WDPCP: variants seen among roughly 807,000 people sequenced by gnomAD.
The protein encoded by WDPCP is WD repeat-containing and planar cell polarity effector protein fritz homolog.
Under a neutral mutation model 93.1 loss-of-function variants are expected in WDPCP, and 71 were observed. The observed-to-expected ratio is 0.76, with a 90% CI of 0.63 to 0.93. WDPCP has a LOEUF of 0.93. WDPCP is among the 40% of genes least tolerant of loss of function. WDPCP has a pLI of 0.00. For synonymous variants in WDPCP, 315 were observed against 315.0 expected (o/e 1.00, Z 0.00); for missense variants, 844 against 887.4 (o/e 0.95, Z 0.62).
At chr2:63,227,391 C>G (rs774348314) in intron 14 of WDPCP, among the ~76,000 whole-genome samples, 2 of 152,000 alleles carry the variant, frequency 1.3e-5, no homozygotes, top group Non-Finnish European at 2.9e-5. Context: ...CTCAAAGCTA[C>G]TTTGCTGCAC....
intron 2 of WDPCP, among the ~76,000 whole-genome samples, chr2:63,703,617 T>C (rs1669099010): frequency 6.6e-6 from 1 of 152,076 alleles, no homozygotes; most frequent in African/African-American, 2.4e-5. Context: ...AGAGTCTCAC[T>C]CTGTTCTGTT....
intron 3 of WDPCP, among the ~76,000 whole-genome samples, chr2:63,627,032 A>G (rs2106634109): frequency 6.6e-6 from 1 of 152,128 alleles, no homozygotes; most frequent in African/African-American, 2.4e-5. Flanking sequence ...CAACAACAAA[A>G]TCCAAGAATT....
chr2:63,437,116 A>G (rs762586569), intron 8 of WDPCP, among the ~76,000 whole-genome samples: 2 of 152,058 alleles, frequency 1.3e-5, no homozygotes, highest in Non-Finnish European at 2.9e-5. Context: ...AATGGTATAT[A>G]TACTACCACT....
intron 6 of WDPCP, among the ~76,000 whole-genome samples, chr2:63,459,149 G>T (rs1477818685): frequency 6.6e-6 from 1 of 152,080 alleles, no homozygotes; most frequent in Non-Finnish European, 1.5e-5. Context: ...TCAGGACATT[G>T]GTTTAGGCAA....
intron 3 of WDPCP, among the ~76,000 whole-genome samples, chr2:63,607,532 C>T (rs1007379495): frequency 6.6e-6 from 1 of 150,506 alleles, no homozygotes; most frequent in Non-Finnish European, 1.5e-5. Context: ...GAAACTCCGT[C>T]TCAAAAAAAA....
intron 2 of WDPCP, among the ~76,000 whole-genome samples, chr2:63,753,569 G>T (rs1669913930): frequency 6.6e-6 from 1 of 152,188 alleles, no homozygotes; most frequent in African/African-American, 2.4e-5. Flanking sequence ...TACAATTATG[G>T]CAGAAGGCAA....
chr2:63,408,334 T>C (rs1232958601), intron 9 of WDPCP, among the ~76,000 whole-genome samples: 1 of 152,160 alleles, frequency 6.6e-6, no homozygotes, highest in Non-Finnish European at 1.5e-5. Flanking sequence ...ACTGAAGGTC[T>C]GTTTGTAGGA....
intron 1 of WDPCP, among the ~76,000 whole-genome samples, chr2:63,819,155 G>A (rs1443190976): frequency 1.3e-5 from 2 of 152,172 alleles, no homozygotes; most frequent in Non-Finnish European, 2.9e-5. Flanking sequence ...GGAGGGCAAA[G>A]CAGCTCTGGG....
intron 17 of WDPCP, among the ~76,000 whole-genome samples, chr2:63,151,484 C>T (rs149285816): frequency 1.8e-3 from 267 of 152,276 alleles, no homozygotes; most frequent in African/African-American, 6.0e-3. Flanking sequence ...CTTAGCTTCG[C>T]AAAGTGCTTG....
chr2:63,130,482 A>G (rs941722367), intron 17 of WDPCP, among the ~76,000 whole-genome samples: 11 of 152,238 alleles, frequency 7.2e-5, no homozygotes, highest in African/African-American at 2.6e-4. Context: ...GTCTGTCTTT[A>G]TGCTAGCACC....
chr2:63,376,036 T>C (rs1225621312), intron 12 of WDPCP, among the ~76,000 whole-genome samples: 1 of 151,994 alleles, frequency 6.6e-6, no homozygotes, highest in East Asian at 1.9e-4. Context: ...AATGTAATTC[T>C]AGCACTTCAC....
chr2:63,706,548 C>T (rs1669155527), intron 2 of WDPCP, among the ~76,000 whole-genome samples: 1 of 145,564 alleles, frequency 6.9e-6, no homozygotes, highest in East Asian at 2.0e-4. Flanking sequence ...TTCTCCTTCA[C>T]TTATGAAGCT....
chr2:63,387,829 G>T (rs576653276), intron 10 of WDPCP, among the ~76,000 whole-genome samples: 4 of 151,846 alleles, frequency 2.6e-5, no homozygotes, highest in African/African-American at 7.3e-5. Context: ...ATACACCAAC[G>T]ACATCCAAGC....
At position 63,814,487 on chromosome 2, in the gene WDPCP, G is replaced by A. The variant is rs552410419; in HGVS notation, n.223-780C>T. On this transcript the variant is annotated intron_variant and non_coding_transcript_variant, in intron 1 of 4. Transcript: ENST00000467687. Reference sequence around the variant, plus strand: ...AGGAAATCACAGAGATACCAATCCAGAGCCCTCACATTAAGCCACTACACC... The same window carrying A: ...AGGAAATCACAGAGATACCAATCCAAAGCCCTCACATTAAGCCACTACACC... Among the ~76,000 whole-genome samples, 7 of 152,270 alleles carry A rather than the reference G, an allele frequency of 4.6e-5. 1 individual carries two copies. The highest frequency in any genetic ancestry group is 3.3e-4 in the Admixed American group (5 of 15,288).
chr2:63,709,715 A>G (rs1341682762), intron 2 of WDPCP, among the ~76,000 whole-genome samples: 2 of 152,178 alleles, frequency 1.3e-5, no homozygotes, highest in East Asian at 1.9e-4. Context: ...TTTAATTAGC[A>G]TATTTTCCAT....
chr2:63,242,007 G>A (rs2104646741), intron 14 of WDPCP, among the ~76,000 whole-genome samples: 3 of 152,188 alleles, frequency 2.0e-5, no homozygotes, highest in Middle Eastern at 3.4e-3. Context: ...TAACAAATAG[G>A]AAGATAAATA....
chr2:63,556,658 G>C (rs768904088), intron 1 of WDPCP, among the ~76,000 whole-genome samples: 23 of 151,896 alleles, frequency 1.5e-4, no homozygotes, highest in Non-Finnish European at 1.6e-4. Context: ...GGCTTTTTTA[G>C]TTTTCAGAAC....
At chr2:63,399,237 T>C (rs1020333355) in intron 10 of WDPCP, among the ~76,000 whole-genome samples, 2 of 152,128 alleles carry the variant, frequency 1.3e-5, no homozygotes, top group South Asian at 4.1e-4. Flanking sequence ...ATTTGAATGC[T>C]TGACTTCTAT....
intron 12 of WDPCP, among the ~76,000 whole-genome samples, chr2:63,377,399 AT>A (rs1691931270): frequency 6.6e-6 from 1 of 151,542 alleles, no homozygotes; most frequent in Non-Finnish European, 1.5e-5. Flanking sequence ...GTTACTTTCC[AT>A]TGTATAACAT....
Sources: gnomAD v4.1 joint callset for allele counts (sites outside exome capture counted in the v4.1 genomes callset) on GRCh38, gnomAD v4.1.1 for gene constraint, MANE v1.5 for transcripts, NCBI Gene and HGNC (gene_info 2026-07-23, HGNC 2026-07-21) for gene names.